The following LRP1B variants were observed in gnomAD, a reference collection of about 807,000 sequenced individuals.
LRP1B encodes the protein low-density lipoprotein receptor-related protein 1B.
Under a neutral mutation model 556.6 loss-of-function variants are expected in LRP1B, and 217 were observed. The observed-to-expected ratio is 0.39, with a 90% CI of 0.35 to 0.44. The LOEUF (loss-of-function observed/expected upper bound fraction) is 0.44, where lower values mean the gene tolerates loss of function less well. Among genes scored for constraint, LRP1B ranks in the 20% least tolerant of loss-of-function variants. LRP1B has a pLI of 1.00. For synonymous variants in LRP1B, 2,047 were observed against 1,865.8 expected (o/e 1.10, Z -2.50); for missense variants, 5,053 against 5,620.8 (o/e 0.90, Z 3.23).
intron 2 of LRP1B, among the ~76,000 whole-genome samples, chr2:141,795,860 ATATATATATATATATATATATAT>A (rs1558880757): frequency 0.023 from 1,603 of 69,338 alleles, 111 homozygotes; most frequent in African/African-American, 0.071. Context: ...CAGGAGCAAT[ATATATATATATATATATATATAT>A]ATATATATAT....
chr2:141,512,955 T>C (rs1369984128), intron 2 of LRP1B, among the ~76,000 whole-genome samples: 1 of 152,132 alleles, frequency 6.6e-6, no homozygotes, highest in Non-Finnish European at 1.5e-5. Context: ...CATTACCGCA[T>C]TAAAGAAAGC....
At chr2:141,477,481 C>CT (rs1190389287) in intron 3 of LRP1B, among the ~76,000 whole-genome samples, 2 of 152,052 alleles carry the variant, frequency 1.3e-5, no homozygotes, top group African/African-American at 4.8e-5. Flanking sequence ...AGGAGGAAGG[C>CT]TGAGGGTGAG....
At chr2:141,911,635 C>G (rs2104953529) in intron 1 of LRP1B, among the ~76,000 whole-genome samples, 1 of 152,330 alleles carries the variant, frequency 6.6e-6, no homozygotes, top group African/African-American at 2.4e-5. Context: ...AGTCCCTCAG[C>G]TGCTGCTGCC....
intron 1 of LRP1B, among the ~76,000 whole-genome samples, chr2:141,859,065 G>A (rs979408115): frequency 1.3e-5 from 2 of 152,128 alleles, no homozygotes; most frequent in Admixed American, 6.6e-5. Context: ...ATCTTGCTGT[G>A]ATTTAAGTCT....
chr2:140,617,258 A>C (rs1184181079), intron 41 of LRP1B, among the ~76,000 whole-genome samples: 1 of 152,016 alleles, frequency 6.6e-6, no homozygotes, highest in African/African-American at 2.4e-5. Context: ...AACAGAATGT[A>C]AGCATCTTAA....
At chr2:141,793,206 G>A (rs906477977) in intron 2 of LRP1B, among the ~76,000 whole-genome samples, 1 of 151,882 alleles carries the variant, frequency 6.6e-6, no homozygotes, top group Non-Finnish European at 1.5e-5. Context: ...CTAAATACTT[G>A]TTTTAAATCA....
chr2:140,390,184 A>C (rs1683954537), intron 66 of LRP1B, among the ~76,000 whole-genome samples: 1 of 152,166 alleles, frequency 6.6e-6, no homozygotes, highest in African/African-American at 2.4e-5. Flanking sequence ...GAATAATCAA[A>C]CATTTCTTGA....
intron 2 of LRP1B, among the ~76,000 whole-genome samples, chr2:141,599,599 C>T (rs1017124971): frequency 6.6e-6 from 1 of 152,004 alleles, no homozygotes; most frequent in African/African-American, 2.4e-5. Flanking sequence ...TTTATTTGAA[C>T]CTTCTATTTT....
chr2:141,572,481 A>G (rs1686564869), intron 2 of LRP1B, among the ~76,000 whole-genome samples: 1 of 152,186 alleles, frequency 6.6e-6, no homozygotes, highest in African/African-American at 2.4e-5. Flanking sequence ...AAAACACACC[A>G]AAATATAAAA....
At position 141,298,129 on chromosome 2, in the gene LRP1B, C is replaced by T. The variant is rs189285096; in HGVS notation, c.344-43488G>A. ...ATTTTTCTTCATTGATTTTCAGCAC[C>T]TGGCAAAATGTCTCTCAGAGTAGCT... On this transcript the variant is annotated intron_variant, in intron 3 of 90. Coordinates refer to ENST00000389484, the MANE Select transcript of LRP1B (RefSeq NM_018557.3). 6.1e-4 allele frequency among the ~76,000 whole-genome samples: 93 copies of T among 152,264 alleles called. No homozygotes were observed. The South Asian group carries it at 6.8e-3, about 11-fold the overall frequency.
At chr2:140,800,857 C>A (rs1690482721) in intron 32 of LRP1B, among the ~76,000 whole-genome samples, 2 of 152,086 alleles carry the variant, frequency 1.3e-5, no homozygotes, top group Non-Finnish European at 2.9e-5. Flanking sequence ...TTTTATACAT[C>A]TTTCCTCTTA....
intron 1 of LRP1B, among the ~76,000 whole-genome samples, chr2:141,952,207 T>G (rs932894028): frequency 1.3e-5 from 2 of 152,014 alleles, no homozygotes; most frequent in African/African-American, 4.8e-5. Flanking sequence ...CTGCATAATA[T>G]TCCATGGTGT....
At chr2:140,887,511 T>G (rs1243350854) in intron 23 of LRP1B, among the ~76,000 whole-genome samples, 1 of 152,106 alleles carries the variant, frequency 6.6e-6, no homozygotes, top group Non-Finnish European at 1.5e-5. Context: ...AAAAACTAAC[T>G]CAAACTGTAT....
At chr2:141,733,251 AGG>A (rs1693344644) in intron 2 of LRP1B, among the ~76,000 whole-genome samples, 1 of 152,110 alleles carries the variant, frequency 6.6e-6, no homozygotes, top group Non-Finnish European at 1.5e-5. Context: ...TGATACCACA[AGG>A]TTCCAGTTGC....
Position 141,026,852 on chromosome 2 carries a change from A to C in LRP1B, c.1790-6750T>G, listed in dbSNP as rs894574291. Among the ~76,000 whole-genome samples, 10 of 152,116 alleles carry C rather than the reference A, an allele frequency of 6.6e-5. 1 individual carries two copies. The highest frequency in any genetic ancestry group is 1.5e-5 in the Non-Finnish European group (1 of 68,012). The stretch of plus-strand genomic sequence containing the variant: ...GAATTCAGTATGCTAGGAATAAAAG[A>C]AGCTACAAAACCATGAAGTTTAACT... On this transcript the variant is annotated intron_variant, in intron 11 of 90. Coordinates refer to ENST00000389484, the MANE Select transcript of LRP1B (RefSeq NM_018557.3).
At chr2:141,738,700 T>A (rs547355753) in intron 2 of LRP1B, among the ~76,000 whole-genome samples, 74 of 152,276 alleles carry the variant, frequency 4.9e-4, no homozygotes, top group Middle Eastern at 3.4e-3. Context: ...TAAGTAGACT[T>A]GATCGTTTTG....
chr2:140,868,444 A>C (rs1693021172), intron 25 of LRP1B, among the ~76,000 whole-genome samples, 181 bp from the exon 26 acceptor site: 1 of 152,118 alleles, frequency 6.6e-6, no homozygotes, highest in African/African-American at 2.4e-5. Flanking sequence ...AAATAAGTGC[A>C]TAAATATATA....
chr2:141,774,231 G>C (rs1165429261), intron 2 of LRP1B, among the ~76,000 whole-genome samples: 1 of 152,146 alleles, frequency 6.6e-6, no homozygotes, highest in Non-Finnish European at 1.5e-5. Flanking sequence ...ACCTGAGGCT[G>C]GGTAATTTAC....
rs905245157 is a variant in LRP1B at position 141,348,210 on chromosome 2, A to G, written c.344-93569T>C. On this transcript the variant is annotated intron_variant, in intron 3 of 90. Transcript: ENST00000389484. ...TGGGTAAAAGGGAAATTTAGTGACA[A>G]ATATGTACCTGTAAGATTTGAAAAA... Among the ~76,000 whole-genome samples, 2 of 152,036 alleles carry G rather than the reference A, an allele frequency of 1.3e-5. 1 individual carries two copies. Among genetic ancestry groups the G allele is most frequent in the African/African-American group, 4.8e-5 (2 of 41,358 alleles).
Sources: gnomAD v4.1 joint callset for allele counts (sites outside exome capture counted in the v4.1 genomes callset) on GRCh38, gnomAD v4.1.1 for gene constraint, MANE v1.5 for transcripts, NCBI Gene and HGNC (gene_info 2026-07-23, HGNC 2026-07-21) for gene names.